The following MYLK variants were observed in gnomAD, a reference collection of about 807,000 sequenced individuals.
MYLK encodes myosin light chain kinase, smooth muscle.
Under a neutral mutation model 203.4 loss-of-function variants are expected in MYLK, and 106 were observed. The ratio of observed to expected loss-of-function variants is 0.52; its 90% confidence interval spans 0.45 to 0.61. The LOEUF is 0.61. Among genes scored for constraint, MYLK ranks in the 20% least tolerant of loss-of-function variants. The pLI, the probability that MYLK is intolerant of heterozygous loss-of-function variation, is 0.00. For synonymous variants in MYLK, 867 were observed against 959.5 expected (o/e 0.90, Z 1.78); for missense variants, 2,072 against 2,442.3 (o/e 0.85, Z 3.20).
chr3:123,678,103 G>A lies in MYLK; in HGVS notation c.3652+4121C>T, dbSNP rs78319643. Among the ~76,000 whole-genome samples the A allele has an allele frequency of 6.0e-3, 902 of 151,568 alleles. 11 individuals carry two copies. Among genetic ancestry groups the A allele is most frequent in the East Asian group, 0.019 (96 of 5,098 alleles). ...TAAAATGGGAACAGCTATTTATAGC[G>A]CAGTTGAGTGAGACTCGGCTGAAGT... On this transcript the variant is annotated intron_variant, in intron 20 of 33. Coordinates refer to ENST00000360304, the MANE Select transcript of MYLK (RefSeq NM_053025.4).
intron 11 of MYLK, among the ~76,000 whole-genome samples, chr3:123,731,538 T>C (rs775355484): frequency 1.3e-5 from 2 of 152,210 alleles, no homozygotes; most frequent in East Asian, 3.8e-4. Flanking sequence ...TATGGATACA[T>C]CACTAACTCT....
intron 19 of MYLK, among the ~76,000 whole-genome samples, chr3:123,687,343 C>A (rs1264716298): frequency 6.6e-6 from 1 of 152,130 alleles, no homozygotes; most frequent in Non-Finnish European, 1.5e-5. Context: ...GCCCAGGGGC[C>A]AAGATAACAG....
At chr3:123,657,620 A>G (rs1352993475) in intron 23 of MYLK, among the ~76,000 whole-genome samples, 192 bp from the exon 24 acceptor site, 1 of 152,120 alleles carries the variant, frequency 6.6e-6, no homozygotes, top group Non-Finnish European at 1.5e-5. Context: ...GGAAAGCCCC[A>G]TGTATAATTA....
chr3:123,730,528 A>C (rs897923693), intron 11 of MYLK, among the ~76,000 whole-genome samples: 9 of 152,264 alleles, frequency 5.9e-5, no homozygotes, highest in Non-Finnish European at 1.2e-4. Flanking sequence ...GTGGATAAAC[A>C]AAACACTGTA....
chr3:123,725,173 G>A (rs894507216), intron 12 of MYLK, among the ~76,000 whole-genome samples: 5 of 152,132 alleles, frequency 3.3e-5, no homozygotes, highest in Non-Finnish European at 5.9e-5. Flanking sequence ...AAGGTCACCC[G>A]ACCACTCAGT....
intron 3 of MYLK, among the ~76,000 whole-genome samples, chr3:123,807,554 T>G (rs992759793): frequency 3.3e-5 from 5 of 152,170 alleles, no homozygotes; most frequent in African/African-American, 9.7e-5. Context: ...ATCTGCTGAG[T>G]ATGAATTTGA....
rs746081985 is a variant in MYLK, at chr3:123,626,926, G to A, written c.5130C>T (p.Cys1710=). 2 of 1,614,198 alleles carry A rather than the reference G, an allele frequency of 1.2e-6. No homozygotes were observed. Among genetic ancestry groups the A allele is most frequent in the East Asian group, 4.5e-5 (2 of 44,888 alleles). The change falls in exon 31 of 34, where the codon TGC becomes TGT. Residue 1710 remains cysteine, a synonymous_variant. Coordinates refer to ENST00000360304, the MANE Select transcript of MYLK (RefSeq NM_053025.4). ...LKKDMKNRLD[C]TQCLQHPWLM... ...GCCATGGATGCTGAAGGCACTGCGT[G>A]CAGTCCAGGCGGTTTCTGACAGAGG... is the stretch of plus-strand genomic sequence containing the variant.
At chr3:123,721,464 A>T (rs932190449) in intron 13 of MYLK, among the ~76,000 whole-genome samples, 15 of 152,348 alleles carry the variant, frequency 9.8e-5, no homozygotes, top group South Asian at 2.1e-4. Context: ...CTTGAGTCTG[A>T]GGCTCCCTGC....
intron 3 of MYLK, among the ~76,000 whole-genome samples, chr3:123,822,176 G>A (rs1413726385): frequency 7.2e-5 from 11 of 152,140 alleles, no homozygotes; most frequent in Non-Finnish European, 1.5e-5. Flanking sequence ...TAAGAAATAA[G>A]TCTCTATTCT....
chr3:123,719,087 C>T (rs2062002988), intron 13 of MYLK, among the ~76,000 whole-genome samples: 1 of 152,204 alleles, frequency 6.6e-6, no homozygotes, highest in Non-Finnish European at 1.5e-5. Flanking sequence ...GCATGAAGGG[C>T]TGGCTGCAGA....
rs114760308 is a variant in MYLK, at chr3:123,732,801, G to A, written c.1516+95C>T. Reference sequence around the variant, plus strand: ...TCTGTCGGGCTGTGCACCAAGGCAGGGGGCTATAGGAGATGAACCATCTGC... The same window carrying A: ...TCTGTCGGGCTGTGCACCAAGGCAGAGGGCTATAGGAGATGAACCATCTGC... On this transcript the variant is annotated intron_variant, in intron 11 of 33. Coordinates refer to ENST00000360304, the MANE Select transcript of MYLK (RefSeq NM_053025.4). 1,145 of 1,229,148 alleles carry A rather than the reference G, an allele frequency of 9.3e-4. 10 individuals carry two copies. The African/African-American group carries it at 0.015, about 16-fold the overall frequency. The allele number at this position is 1,229,148 out of a possible 1,614,324, so 76.1% of individuals were successfully genotyped here.
intron 19 of MYLK, among the ~76,000 whole-genome samples, chr3:123,685,277 C>T (rs544008698): frequency 2.0e-5 from 3 of 152,270 alleles, no homozygotes; most frequent in South Asian, 2.1e-4. Flanking sequence ...ACACATGCAA[C>T]GGTGTTTTGG....
rs1421083218 is a variant in MYLK, at chr3:123,685,631, A to T, written c.3566-3321T>A. On this transcript the variant is annotated intron_variant, in intron 19 of 33. Transcript: ENST00000360304. ...AAAAATGAAAAAAAAAAAAAAAAAA[A>T]GAAAATGAAAATGATCACTTATGAA... 4.2e-5 allele frequency among the ~76,000 whole-genome samples: 6 copies of T among 141,286 alleles called. No homozygotes were observed. In the East Asian group the frequency reaches 6.2e-4, roughly 15 times the overall value. 92.7% of individuals were successfully genotyped at this position (141,286 alleles called of 152,430 possible).
chr3:123,872,226 T>G (rs1238779099), intron 2 of MYLK, among the ~76,000 whole-genome samples: 1 of 152,176 alleles, frequency 6.6e-6, no homozygotes, highest in African/African-American at 2.4e-5. Flanking sequence ...AGTAGAGAGT[T>G]GAATAAAGTA....
intron 3 of MYLK, among the ~76,000 whole-genome samples, chr3:123,818,004 C>T (rs1022992370): frequency 1.3e-5 from 2 of 152,172 alleles, no homozygotes; most frequent in Admixed American, 6.5e-5. Context: ...CATTGCCCAG[C>T]TCCTATAGCA....
intron 5 of MYLK, among the ~76,000 whole-genome samples, chr3:123,746,907 G>T (rs1327470578): frequency 1.3e-5 from 2 of 152,096 alleles, no homozygotes; most frequent in Non-Finnish European, 2.9e-5. Context: ...ATAATTATAG[G>T]TCCTTCAGAT....
intron 2 of MYLK, among the ~76,000 whole-genome samples, chr3:123,861,036 A>G (rs1175587582): frequency 2.6e-5 from 4 of 151,840 alleles, no homozygotes; most frequent in Admixed American, 1.3e-4. Context: ...AGGCTGAGGT[A>G]GGAGAAAGGA....
At chr3:123,729,180 A>C (rs2062395212) in intron 11 of MYLK, among the ~76,000 whole-genome samples, 1 of 152,148 alleles carries the variant, frequency 6.6e-6, no homozygotes, top group Non-Finnish European at 1.5e-5. Context: ...GTAAAGGCTA[A>C]AGCAGAGCTG....
chr3:123,791,711 A>C (rs1284123880), intron 4 of MYLK, among the ~76,000 whole-genome samples: 1 of 152,262 alleles, frequency 6.6e-6, no homozygotes, highest in Non-Finnish European at 1.5e-5. Flanking sequence ...TGTAATATAC[A>C]AGGTCAACTA....
Sources: gnomAD v4.1 joint callset for allele counts (sites outside exome capture counted in the v4.1 genomes callset) on GRCh38, gnomAD v4.1.1 for gene constraint, MANE v1.5 for transcripts, NCBI Gene and HGNC (gene_info 2026-07-23, HGNC 2026-07-21) for gene names.